The following ZBTB20 variants were observed in gnomAD, a reference collection of about 807,000 sequenced individuals.
ZBTB20 encodes zinc finger and BTB domain containing 20.
ZBTB20 carries 9 observed loss-of-function variants against 56.9 expected under a neutral mutation model. The ratio of observed to expected loss-of-function variants is 0.16; its 90% CI spans 0.10 to 0.28. The LOEUF (loss-of-function observed/expected upper bound fraction) is 0.28, where lower values mean the gene tolerates loss of function less well. ZBTB20 is among the 10% of genes least tolerant of loss of function. The pLI is 1.00. For missense variants in ZBTB20, 655 were observed against 1,003.0 expected, an observed-to-expected ratio of 0.65 and a Z score of 4.69; for synonymous variants, 417 against 420.7, an observed-to-expected ratio of 0.99 and a Z score of 0.11.
At chr3:115,045,731 T>A (rs2081311418) in intron 2 of ZBTB20, among the ~76,000 whole-genome samples, 2 of 152,150 alleles carry the variant, frequency 1.3e-5, no homozygotes, top group African/African-American at 2.4e-5. Flanking sequence ...TTTCAAAAAG[T>A]AAAGAAAATA....
intron 5 of ZBTB20, among the ~76,000 whole-genome samples, chr3:114,735,604 C>A (rs1224498523): frequency 6.6e-6 from 1 of 151,922 alleles, no homozygotes; most frequent in East Asian, 1.9e-4. Context: ...AATTTATCAC[C>A]CTCAAAGTTC....
intron 5 of ZBTB20, among the ~76,000 whole-genome samples, chr3:114,758,675 T>C (rs560923441): frequency 5.1e-4 from 78 of 152,272 alleles, no homozygotes; most frequent in African/African-American, 1.8e-3. Context: ...CTTCTGCTAA[T>C]AAAGACAAAC....
rs115956890 is a variant in ZBTB20, at chr3:114,461,343, A to T, written c.-255+39009T>A. ...GAGACAGGGTCTTGCTCTGTCACCG[A>T]GGCTGGAGTGCACTGGTGGTGTGAT... On this transcript the variant is annotated intron_variant, in intron 7 of 11. Transcript: ENST00000675478. Among the ~76,000 whole-genome samples, 1,254 of 143,438 alleles carry T rather than the reference A, an allele frequency of 8.7e-3. 12 individuals are homozygous for T. The highest frequency in any genetic ancestry group is 0.03 in the African/African-American group (1,188 of 39,772). 94.1% of individuals were successfully genotyped at this position (143,438 alleles called of 152,430 possible).
chr3:114,976,626 CAAA>C (rs759709889), intron 2 of ZBTB20, among the ~76,000 whole-genome samples: 3 of 105,662 alleles, frequency 2.8e-5, no homozygotes, highest in Admixed American at 9.8e-5. Flanking sequence ...AACTCCGCCT[CAAA>C]AAAAAAAAAA....
intron 7 of ZBTB20, among the ~76,000 whole-genome samples, chr3:114,476,776 T>G (rs1039161655): frequency 1.1e-4 from 17 of 152,348 alleles, no homozygotes; most frequent in African/African-American, 4.1e-4. Flanking sequence ...CAAGAACTTT[T>G]GGAGACACAG....
rs1376697302 is a variant in ZBTB20, at chr3:115,013,966, G to T, written c.-506-39550C>A. Among the ~76,000 whole-genome samples the T allele has an allele frequency of 2.6e-5, 4 of 151,080 alleles. No individual in the cohort carries two copies. The East Asian group carries it at 7.9e-4, about 30-fold the overall frequency. On this transcript the variant is annotated intron_variant, in intron 2 of 11. Coordinates refer to ENST00000675478, the MANE Select transcript of ZBTB20 (RefSeq NM_001348800.3). ...AAAGAAAGGAAATGAGTATATTGAA[G>T]ATATATCTGCACTCCTATGTTTATT...
intron 7 of ZBTB20, among the ~76,000 whole-genome samples, chr3:114,471,952 TAACTGTGG>T (rs1224768169): frequency 2.0e-5 from 3 of 152,088 alleles, no homozygotes; most frequent in Non-Finnish European, 4.4e-5. Flanking sequence ...AGGAAATGGA[TAACTGTGG>T]AACTGAAGGG....
chr3:115,014,880 C>A (rs1576568089), intron 2 of ZBTB20, among the ~76,000 whole-genome samples: 1 of 151,738 alleles, frequency 6.6e-6, no homozygotes, highest in Admixed American at 6.6e-5. Flanking sequence ...ATACAAAAGA[C>A]AACAAAACAA....
At chr3:114,808,769 A>T (rs1040670051) in intron 4 of ZBTB20, among the ~76,000 whole-genome samples, 1 of 152,068 alleles carries the variant, frequency 6.6e-6, no homozygotes, top group Non-Finnish European at 1.5e-5. Flanking sequence ...CTAAATAATG[A>T]CGTGATGAGG....
intron 7 of ZBTB20, among the ~76,000 whole-genome samples, chr3:114,415,817 T>C (rs753992655): frequency 6.6e-6 from 1 of 152,046 alleles, no homozygotes; most frequent in Non-Finnish European, 1.5e-5. Flanking sequence ...TATCACCATA[T>C]AGTAGTTGTG....
chr3:114,660,146 A>C (rs897791727), intron 6 of ZBTB20, among the ~76,000 whole-genome samples: 18 of 152,178 alleles, frequency 1.2e-4, no homozygotes, highest in Non-Finnish European at 2.1e-4. Context: ...CCAACTTATA[A>C]TGAATACCTC....
rs958209855 is a variant in ZBTB20, at chr3:114,337,905, CTTT to C, written c.*1097_*1099del. The C allele has an allele frequency of 1.7e-4, 26 of 150,074 alleles. No homozygotes were observed. Among genetic ancestry groups the C allele is most frequent in the African/African-American group, 5.6e-4 (23 of 40,812 alleles). The allele number at this position is 150,074 out of a possible 1,614,324, so 9.3% of individuals were successfully genotyped here. A position where few individuals can be genotyped will look rare whatever the true frequency, so the allele number is the denominator to read the frequency against. ...AAAAAAATTACTTTTAACAATTTCA[CTTT>C]TTTTGTTTTTTTTTTTACACAAATA... On this transcript the variant is annotated 3_prime_UTR_variant, in exon 12 of 12. Coordinates refer to ENST00000675478, the MANE Select transcript of ZBTB20 (RefSeq NM_001348800.3).
chr3:114,697,887 T>G (rs965629981), intron 5 of ZBTB20, among the ~76,000 whole-genome samples: 17 of 152,136 alleles, frequency 1.1e-4, no homozygotes, highest in Admixed American at 8.5e-4. Context: ...GACTTTTGGT[T>G]ATTGTTCAGC....
chr3:114,658,233 G>A (rs1484981144), intron 6 of ZBTB20: 1 of 152,150 alleles, frequency 6.6e-6, no homozygotes, highest in African/African-American at 2.4e-5. Context: ...GAGATCAGTG[G>A]TATGTGATAT....
At chr3:114,696,746 T>TC (rs757824149) in intron 5 of ZBTB20, among the ~76,000 whole-genome samples, 43 of 151,606 alleles carry the variant, frequency 2.8e-4, no homozygotes, top group Non-Finnish European at 5.3e-4. Context: ...AGGGAGTTAC[T>TC]CCAATGAAAG....
chr3:114,577,954 G>A (rs995410257), intron 6 of ZBTB20, among the ~76,000 whole-genome samples: 1 of 152,052 alleles, frequency 6.6e-6, no homozygotes, highest in African/African-American at 2.4e-5. Flanking sequence ...GCATAACCAA[G>A]TAATGGTAAG....
At chr3:114,661,309 C>T (rs1178752131) in intron 6 of ZBTB20, among the ~76,000 whole-genome samples, 3 of 152,048 alleles carry the variant, frequency 2.0e-5, no homozygotes, top group African/African-American at 7.2e-5. Flanking sequence ...GGGAGAGAAA[C>T]GTACCTTCTT....
intron 7 of ZBTB20, among the ~76,000 whole-genome samples, chr3:114,399,947 G>T (rs1446839353): frequency 6.6e-6 from 1 of 152,128 alleles, no homozygotes; most frequent in Non-Finnish European, 1.5e-5. Context: ...CCTATCATGA[G>T]TTGCATAGAT....
chr3:114,634,497 T>G (rs1422756384), intron 6 of ZBTB20, among the ~76,000 whole-genome samples: 3 of 152,146 alleles, frequency 2.0e-5, no homozygotes, highest in Non-Finnish European at 4.4e-5. Context: ...ATTAATGTCT[T>G]AACAAATAAT....
Sources: gnomAD v4.1 joint callset for allele counts (sites outside exome capture counted in the v4.1 genomes callset) on GRCh38, gnomAD v4.1.1 for gene constraint, MANE v1.5 for transcripts, NCBI Gene and HGNC (gene_info 2026-07-23, HGNC 2026-07-21) for gene names.